Variants in COL4A4 observed in about 807,000 individuals in gnomAD.
COL4A4 encodes the protein collagen alpha-4(IV) chain.
A neutral mutation model predicts 192.9 loss-of-function variants in COL4A4; 105 were observed. The observed-to-expected ratio is 0.54, with a 90% CI of 0.46 to 0.64. The LOEUF (loss-of-function observed/expected upper bound fraction) is 0.64, where lower values mean the gene tolerates loss of function less well. Ranked by LOEUF, COL4A4 falls within the 30% of genes least tolerant of loss-of-function variation. COL4A4 has a pLI of 0.00. For missense variants in COL4A4, 1,967 were observed against 2,169.3 expected (o/e 0.91, Z 1.85); for synonymous variants, 762 against 769.9 (o/e 0.99, Z 0.17).
intron 4 of COL4A4, among the ~76,000 whole-genome samples, chr2:227,137,224 G>C (rs1006232407): frequency 6.6e-6 from 1 of 152,138 alleles, no homozygotes; most frequent in Admixed American, 6.5e-5. Context: ...AATGCCTTGC[G>C]CTTGTTTAAC....
intron 1 of COL4A4, among the ~76,000 whole-genome samples, chr2:227,152,227 G>C (rs1686799732): frequency 6.6e-6 from 1 of 152,154 alleles, no homozygotes; most frequent in South Asian, 2.1e-4. Context: ...GGTGGTTGAG[G>C]GGTTGCCTTT....
chr2:226,997,662 T>A, the COL4A4 span: 2 of 152,252 alleles, frequency 1.3e-5, no homozygotes, highest in Non-Finnish European at 2.9e-5. Flanking sequence ...CCACTAGTAG[T>A]ACTTCCTTGC....
At chr2:226,981,422 G>A in the COL4A4 span, among the ~76,000 whole-genome samples, 1 of 149,712 alleles carries the variant, frequency 6.7e-6, no homozygotes, top group Non-Finnish European at 1.5e-5. Context: ...TAAAAAAGGA[G>A]CTCATTGAAC....
At chr2:227,099,512 G>T in intron 18 of COL4A4, 108 bp downstream of exon 18, 2 of 984,888 alleles carry the variant, frequency 2.0e-6, no homozygotes, top group African/African-American at 1.6e-5. Flanking sequence ...CGTGCATTCA[G>T]CCTGCCTAGT....
rs754048753 is a variant in COL4A4 at position 227,094,114 on chromosome 2, G to A, written c.1369+11C>T. On this transcript the variant is annotated intron_variant, in intron 20 of 47. Transcript: ENST00000396625. ...ATAAATGCTAATGGATATGAATAAG[G>A]AGTACTTTACCACTTGATCCTGGGA... The A allele has an allele frequency of 6.2e-7, 1 of 1,612,004 alleles. No individual in the cohort carries two copies. The highest frequency in any genetic ancestry group is 1.7e-5 in the Admixed American group (1 of 59,946).
At chr2:227,135,940 G>A (rs1382719906) in intron 4 of COL4A4, among the ~76,000 whole-genome samples, 2 of 152,224 alleles carry the variant, frequency 1.3e-5, no homozygotes, top group East Asian at 3.9e-4. Flanking sequence ...CACCATGCCT[G>A]GCCCCTGAAT....
At chr2:227,011,286 C>A (rs1963637161) in intron 45 of COL4A4, among the ~76,000 whole-genome samples, 1 of 151,760 alleles carries the variant, frequency 6.6e-6, no homozygotes. Flanking sequence ...GCAGGCTCTC[C>A]CCATCTACAC....
chr2:227,084,484 A>G (rs1233160399), intron 22 of COL4A4, among the ~76,000 whole-genome samples: 3 of 152,198 alleles, frequency 2.0e-5, no homozygotes, highest in Admixed American at 2.0e-4. Context: ...AATTTTAAGT[A>G]CTAGAGTAGA....
intron 1 of COL4A4, among the ~76,000 whole-genome samples, chr2:227,150,113 T>C (rs1216533917): frequency 6.6e-6 from 1 of 152,188 alleles, no homozygotes; most frequent in Non-Finnish European, 1.5e-5. Flanking sequence ...AATGAACATA[T>C]AGAAGATACT....
At chr2:227,065,203 G>A (rs1403727179) in intron 25 of COL4A4, among the ~76,000 whole-genome samples, 1 of 152,230 alleles carries the variant, frequency 6.6e-6, no homozygotes, top group African/African-American at 2.4e-5. Flanking sequence ...GGCGCACCAG[G>A]AGATCACATC....
At chr2:226,973,408 T>C in the COL4A4 span, among the ~76,000 whole-genome samples, 6 of 152,208 alleles carry the variant, frequency 3.9e-5, no homozygotes, top group African/African-American at 1.4e-4. Flanking sequence ...TCTGGGAAAG[T>C]TGGGAAGTGA....
chr2:227,103,678 G>A (rs2060652396), intron 13 of COL4A4, among the ~76,000 whole-genome samples: 1 of 152,166 alleles, frequency 6.6e-6, no homozygotes, highest in Non-Finnish European at 1.5e-5. Flanking sequence ...TGGGCTTCCG[G>A]TGGTCTTTTC....
At chr2:227,094,415 G>T in intron 19 of COL4A4, 126 bp from the exon 20 acceptor site, 1 of 890,218 alleles carries the variant, frequency 1.1e-6, no homozygotes. Context: ...GACGGAGCTG[G>T]AGGTCATTAT....
downstream of COL4A4, among the ~76,000 whole-genome samples, chr2:227,002,168 CAAAAAA>C (rs55908824): frequency 0.088 from 6,689 of 76,306 alleles, 219 homozygotes; most frequent in Non-Finnish European, 0.12. Context: ...GACCCTGTCT[CAAAAAA>C]AAAAAAAAAA....
intron 3 of COL4A4, among the ~76,000 whole-genome samples, chr2:227,140,857 AAC>A (rs2063151907): frequency 6.8e-6 from 1 of 146,260 alleles, no homozygotes; most frequent in Non-Finnish European, 1.5e-5. Context: ...CAAACTTTCC[AAC>A]ACTGTCTTTA....
chr2:227,001,830 A>G (rs1309786016), downstream of COL4A4, among the ~76,000 whole-genome samples: 2 of 151,382 alleles, frequency 1.3e-5, no homozygotes, highest in South Asian at 2.1e-4. Context: ...TTATTTCTCT[A>G]TCAGGTAAAA....
chr2:227,147,338 C>T lies in COL4A4; in HGVS notation c.71+75G>A, dbSNP rs16823262. 24,977 of 1,390,758 alleles carry T rather than the reference C, an allele frequency of 0.018. 3,399 individuals carry two copies. The African/African-American group carries it at 0.31, about 17-fold the overall frequency. 86.2% of individuals were successfully genotyped at this position (1,390,758 alleles called of 1,614,324 possible). On this transcript the variant is annotated intron_variant, in intron 2 of 47. Transcript: ENST00000396625. Reference sequence around the variant, plus strand: ...CTTTTTGACATATTAAGCATTCAGACGGTTTACATCCATAGAACAAACATT... The same window carrying T: ...CTTTTTGACATATTAAGCATTCAGATGGTTTACATCCATAGAACAAACATT...
chr2:227,122,779 A>G (rs1451493482), intron 4 of COL4A4, among the ~76,000 whole-genome samples: 1 of 152,222 alleles, frequency 6.6e-6, no homozygotes, highest in East Asian at 1.9e-4. Flanking sequence ...AGAAGGTCAG[A>G]GAGCACCTTG....
rs1374230127 is a variant in COL4A4 at position 227,057,461 on chromosome 2, G to A, written c.2523C>T (p.Leu841=). 1 of 1,609,380 alleles carries A rather than the reference G, an allele frequency of 6.2e-7. No individual in the cohort carries two copies. The highest frequency in any genetic ancestry group is 8.5e-7 in the Non-Finnish European group (1 of 1,177,828). Residue 841 remains leucine (L), a synonymous_variant, in exon 29 of 48, where the codon CTC becomes CTT. Transcript: ENST00000396625. The part of the protein sequence containing the change: ...GAPGIPGQPG[L]PGYPGSPGAP... ...TACCTGGGCTACCTGGATACCCAGG[G>A]AGTCCCGGTTGCCCTGGTATCCCTG...
Sources: allele counts gnomAD v4.1 joint callset (sites outside exome capture counted in the v4.1 genomes callset), GRCh38; gene constraint gnomAD v4.1.1; transcripts MANE v1.5; gene names NCBI Gene and HGNC (gene_info 2026-07-23, HGNC 2026-07-21).